NTRK3: variants seen among roughly 807,000 people sequenced by gnomAD.
NTRK3 encodes the protein NT-3 growth factor receptor.
In NTRK3, 24 loss-of-function variants were observed where a neutral mutation model predicts 91.7. That is an observed-to-expected ratio of 0.26 (90% CI 0.19 to 0.37). NTRK3 has a LOEUF of 0.37. Ranked by LOEUF, NTRK3 falls within the 10% of genes least tolerant of loss-of-function variation. The pLI, the probability that NTRK3 is intolerant of heterozygous loss-of-function variation, is 1.00. For missense variants in NTRK3, 880 were observed against 1,068.9 expected (o/e 0.82, Z 2.46); for synonymous variants, 483 against 404.0 (o/e 1.20, Z -2.34).
intron 3 of NTRK3, chr15:88,253,366 C>T (rs528988582): frequency 1.9e-3 from 296 of 152,378 alleles, no homozygotes; most frequent in East Asian, 2.7e-3. Context: ...CATATGCAGC[C>T]CCACACAGTG....
At chr15:88,096,453 G>C (rs2049609135) in intron 13 of NTRK3, among the ~76,000 whole-genome samples, 1 of 152,154 alleles carries the variant, frequency 6.6e-6, no homozygotes, top group African/African-American at 2.4e-5. Context: ...CCAGAGGCAG[G>C]TGCTGCTGAG....
chr15:88,134,881 C>G (rs926850047), intron 10 of NTRK3, among the ~76,000 whole-genome samples: 2 of 152,214 alleles, frequency 1.3e-5, no homozygotes, highest in Non-Finnish European at 2.9e-5. Flanking sequence ...ACTGTTATTT[C>G]TAAGAAGTCT....
At chr15:87,871,281 T>G (rs966352053) in exon 19 of NTRK3, 2 of 230,736 alleles carry the variant, frequency 8.7e-6, no homozygotes, top group Non-Finnish European at 1.7e-5. Context: ...GAATGAGTCA[T>G]GCAGAGCTTC....
chr15:88,119,731 C>G (rs1353685133), intron 13 of NTRK3, among the ~76,000 whole-genome samples: 1 of 152,208 alleles, frequency 6.6e-6, no homozygotes, highest in Non-Finnish European at 1.5e-5. Flanking sequence ...ATGGACACAT[C>G]TTGGGAAGCC....
At chr15:87,920,863 C>G (rs2067810763) in intron 17 of NTRK3, among the ~76,000 whole-genome samples, 2 of 152,296 alleles carry the variant, frequency 1.3e-5, no homozygotes, top group African/African-American at 4.8e-5. Flanking sequence ...GGTAGTTCCA[C>G]TGCCCTTAAG....
At chr15:87,867,047 C>A (rs2064701379) in exon 19 of NTRK3, 3 of 222,894 alleles carry the variant, frequency 1.3e-5, no homozygotes, top group Non-Finnish European at 2.7e-5. Context: ...GAGAAAGGCT[C>A]CCCTTTCCTA....
At chr15:88,109,137 GC>G (rs1848202020) in intron 13 of NTRK3, among the ~76,000 whole-genome samples, 1 of 152,214 alleles carries the variant, frequency 6.6e-6, no homozygotes, top group African/African-American at 2.4e-5. Context: ...TCCCCGTTAA[GC>G]AAACAGCACC....
intron 17 of NTRK3, among the ~76,000 whole-genome samples, chr15:87,883,081 T>C (rs963000920): frequency 1.2e-4 from 18 of 150,386 alleles, no homozygotes; most frequent in African/African-American, 4.1e-4. Context: ...AAAAATATAA[T>C]TGGCTACATA....
At chr15:88,016,856 A>C (rs1178116921) in intron 14 of NTRK3, among the ~76,000 whole-genome samples, 1 of 146,568 alleles carries the variant, frequency 6.8e-6, no homozygotes, top group Non-Finnish European at 1.5e-5. Context: ...TTCTCTGGGG[A>C]TATTTTTTTT....
At chr15:88,159,354 T>C (rs1453809372) in intron 5 of NTRK3, among the ~76,000 whole-genome samples, 1 of 152,170 alleles carries the variant, frequency 6.6e-6, no homozygotes, top group African/African-American at 2.4e-5. Flanking sequence ...AAGTGTGGAT[T>C]TGAGAAAGCA....
chr15:88,173,102 G>T (rs2045672694), intron 5 of NTRK3, among the ~76,000 whole-genome samples: 1 of 152,126 alleles, frequency 6.6e-6, no homozygotes, highest in Non-Finnish European at 1.5e-5. Context: ...AAAGCAGGAA[G>T]GATCCATTTA....
At chr15:87,907,232 G>A (rs2066824106) in intron 17 of NTRK3, among the ~76,000 whole-genome samples, 2 of 152,148 alleles carry the variant, frequency 1.3e-5, no homozygotes, top group Admixed American at 6.5e-5. Context: ...TATTTTAAAA[G>A]CATGAGAAGA....
At chr15:87,862,790 CT>C in exon 19 of NTRK3, 1 of 229,510 alleles carries the variant, frequency 4.4e-6, no homozygotes, top group African/African-American at 2.2e-5. Context: ...GCAAAAACAG[CT>C]GTTAAAGAGC....
intron 14 of NTRK3, among the ~76,000 whole-genome samples, chr15:87,970,379 G>T (rs1057052571): frequency 3.3e-5 from 5 of 152,222 alleles, no homozygotes; most frequent in African/African-American, 1.2e-4. Context: ...ACTCTACGTA[G>T]AAGGCAGAAG....
At chr15:88,097,937 G>A (rs147087290) in intron 13 of NTRK3, among the ~76,000 whole-genome samples, 152 of 152,254 alleles carry the variant, frequency 1.0e-3, no homozygotes, top group Middle Eastern at 3.4e-3. Context: ...TTGCTACTTC[G>A]GTAACAGAGA....
chr15:87,868,570 G>A (rs1487706977), exon 19 of NTRK3: 1 of 220,500 alleles, frequency 4.5e-6, no homozygotes, highest in Non-Finnish European at 9.1e-6. Context: ...TTCCAAAGAC[G>A]CCTGCAACCA....
Position 87,915,667 on chromosome 15 carries a change from G to C in NTRK3, c.2133+13524C>G, listed in dbSNP as rs929360099. On this transcript the variant is annotated intron_variant, in intron 17 of 18. Coordinates refer to ENST00000394480, the Ensembl canonical transcript of NTRK3. ...ATCCAGCAATAAAGATCCATCATAGGGAAAACCTTGGCTTGTAACTTAAAA... is the reference window on the plus strand; with the variant it reads ...ATCCAGCAATAAAGATCCATCATAGCGAAAACCTTGGCTTGTAACTTAAAA... 2.3e-4 allele frequency among the ~76,000 whole-genome samples: 35 copies of C among 152,006 alleles called. 1 individual carries two copies. Among genetic ancestry groups the C allele is most frequent in the African/African-American group, 8.0e-4 (33 of 41,388 alleles).
chr15:87,959,347 G>A (rs1176020740), intron 14 of NTRK3, among the ~76,000 whole-genome samples: 1 of 152,200 alleles, frequency 6.6e-6, no homozygotes, highest in Non-Finnish European at 1.5e-5. Flanking sequence ...TTAAATAGAT[G>A]AGCGGCTGCC....
intron 3 of NTRK3, among the ~76,000 whole-genome samples, chr15:88,221,008 C>A (rs547856220): frequency 2.6e-5 from 4 of 152,326 alleles, no homozygotes; most frequent in Non-Finnish European, 5.9e-5. Context: ...GCATTTTTAA[C>A]AAACTCTCCT....
Sources: allele counts gnomAD v4.1 joint callset (sites outside exome capture counted in the v4.1 genomes callset), GRCh38; gene constraint gnomAD v4.1.1; transcripts MANE v1.5; gene names NCBI Gene and HGNC (gene_info 2026-07-23, HGNC 2026-07-21).